RAP1GAP2: variants seen among roughly 807,000 people sequenced by gnomAD.
The protein encoded by RAP1GAP2 is rap1 GTPase-activating protein 2.
In RAP1GAP2, 27 loss-of-function variants were observed where a neutral mutation model predicts 95.0. That is an observed-to-expected ratio of 0.28 (90% confidence interval 0.21 to 0.39). RAP1GAP2 has a LOEUF of 0.39. Among genes scored for constraint, RAP1GAP2 ranks in the 10% least tolerant of loss-of-function variants. The pLI is 1.00. For missense variants in RAP1GAP2, 771 were observed against 970.0 expected (o/e 0.79, Z 2.72); for synonymous variants, 373 against 380.9 (o/e 0.98, Z 0.24).
At chr17:2,932,283 C>T (rs151078685) in intron 3 of RAP1GAP2, among the ~76,000 whole-genome samples, 1 of 152,128 alleles carries the variant, frequency 6.6e-6, no homozygotes, top group Non-Finnish European at 1.5e-5. Context: ...CGTGTGGGAG[C>T]GGCCAAGTTC....
At chr17:2,826,886 G>A (rs765457677) in intron 2 of RAP1GAP2, among the ~76,000 whole-genome samples, 2 of 151,952 alleles carry the variant, frequency 1.3e-5, no homozygotes, top group African/African-American at 2.4e-5. Context: ...TACGCCTGTA[G>A]TCCCAGCTAC....
At chr17:2,875,588 G>A (rs550161900) in intron 2 of RAP1GAP2, among the ~76,000 whole-genome samples, 1 of 152,268 alleles carries the variant, frequency 6.6e-6, no homozygotes, top group Admixed American at 6.5e-5. Flanking sequence ...GCGGGTGAGA[G>A]GGACCGCTGT....
chr17:2,953,092 C>A (rs2043974819), intron 3 of RAP1GAP2, among the ~76,000 whole-genome samples: 1 of 152,188 alleles, frequency 6.6e-6, no homozygotes, highest in Non-Finnish European at 1.5e-5. Context: ...AGGTGTGAGC[C>A]ACCACTGCAC....
At chr17:2,940,905 A>G (rs1369139540) in intron 3 of RAP1GAP2, among the ~76,000 whole-genome samples, 3 of 152,138 alleles carry the variant, frequency 2.0e-5, no homozygotes, top group Non-Finnish European at 2.9e-5. Flanking sequence ...GTGAGGAGTG[A>G]CAGGACACTT....
At chr17:2,884,911 C>G (rs960591915) in intron 2 of RAP1GAP2, among the ~76,000 whole-genome samples, 1 of 152,096 alleles carries the variant, frequency 6.6e-6, no homozygotes, top group Non-Finnish European at 1.5e-5. Flanking sequence ...TGAGGGCCTT[C>G]AGGGTAGGAA....
At chr17:2,798,630 G>GC (rs1374134408) in intron 1 of RAP1GAP2, among the ~76,000 whole-genome samples, 13 of 130,086 alleles carry the variant, frequency 1.0e-4, no homozygotes, top group African/African-American at 3.7e-4. Context: ...GGCACCAGGG[G>GC]CAGACAAGGT....
At chr17:2,816,820 C>T (rs937751387) in intron 2 of RAP1GAP2, among the ~76,000 whole-genome samples, 7 of 119,894 alleles carry the variant, frequency 5.8e-5, no homozygotes, top group African/African-American at 1.7e-4. Context: ...ATCTCCACAG[C>T]ACCCTGCAGC....
chr17:2,909,471 G>A (rs1305646535), intron 3 of RAP1GAP2, among the ~76,000 whole-genome samples: 1 of 152,148 alleles, frequency 6.6e-6, no homozygotes, highest in Non-Finnish European at 1.5e-5. Flanking sequence ...TGGAGTGTGA[G>A]GAAATGTGGA....
intron 3 of RAP1GAP2, among the ~76,000 whole-genome samples, chr17:2,916,210 G>C (rs2042561582): frequency 6.6e-6 from 1 of 152,174 alleles, no homozygotes; most frequent in South Asian, 2.1e-4. Flanking sequence ...ACGTGTGTTT[G>C]TTTATTGTCT....
At chr17:2,976,990 A>C (rs2045147571) in intron 8 of RAP1GAP2, among the ~76,000 whole-genome samples, 2 of 151,880 alleles carry the variant, frequency 1.3e-5, no homozygotes, top group Admixed American at 1.3e-4. Flanking sequence ...CAAAAAAATT[A>C]GTCAGGCGAG....
intron 23 of RAP1GAP2, 119 bp downstream of exon 23, chr17:3,031,117 G>T: frequency 8.7e-7 from 1 of 1,150,622 alleles, no homozygotes. Context: ...GGAGGCAGGG[G>T]AAGCTCTGGG....
In RAP1GAP2 at chr17:2,867,057, T is replaced by C. The variant is rs2072643870; in HGVS notation, c.81-38227T>C. On this transcript the variant is annotated intron_variant, in intron 2 of 24. Coordinates refer to ENST00000254695, the MANE Select transcript of RAP1GAP2 (RefSeq NM_015085.5). The surrounding 1 kb of genome is among the most constrained non-coding windows in gnomAD (Gnocchi z 4.5). ...CTGGGATTACAGGTGCCCACTGTCA[T>C]GTCTAGCTAATTTTTGTATTTGTAG... 6.6e-6 allele frequency among the ~76,000 whole-genome samples: 1 copy of C among 151,482 alleles called. No individual in the cohort carries two copies. The highest frequency in any genetic ancestry group is 1.5e-5 in the Non-Finnish European group (1 of 67,918).
At chr17:2,927,406 G>A (rs959870275) in intron 3 of RAP1GAP2, among the ~76,000 whole-genome samples, 3 of 152,140 alleles carry the variant, frequency 2.0e-5, no homozygotes, top group Non-Finnish European at 4.4e-5. Flanking sequence ...GCCCGCCTTG[G>A]CCTCCCAAAG....
intron 1 of RAP1GAP2, among the ~76,000 whole-genome samples, chr17:2,780,340 C>A (rs931908184): frequency 1.2e-4 from 19 of 152,230 alleles, no homozygotes; most frequent in Non-Finnish European, 2.8e-4. Context: ...CGGGAGCCGC[C>A]GCCTCTGGCA....
intron 3 of RAP1GAP2, among the ~76,000 whole-genome samples, chr17:2,913,556 T>C (rs776460545): frequency 2.9e-4 from 44 of 152,210 alleles, no homozygotes; most frequent in Non-Finnish European, 5.7e-4. Flanking sequence ...CCCAAAGTAC[T>C]GGGATTACAG....
Position 3,005,564 on chromosome 17 carries a change from TGG to T in RAP1GAP2, c.1272+129_1272+130del. 3 of 1,136,106 alleles carry T rather than the reference TGG, an allele frequency of 2.6e-6. No homozygotes were observed. The Admixed American group carries it at 5.1e-5, about 19-fold the overall frequency. 70.4% of individuals were successfully genotyped at this position (1,136,106 alleles called of 1,614,324 possible). A position where few individuals can be genotyped will look rare whatever the true frequency, so the allele number is the denominator to read the frequency against. On this transcript the variant is annotated intron_variant, in intron 15 of 24. Coordinates refer to ENST00000254695, the MANE Select transcript of RAP1GAP2 (RefSeq NM_015085.5). This position sits in a 1 kb window ranked among gnomAD's most constrained non-coding sequence, Gnocchi z 5.2. ...ATTAGGGAGCTCCTTTTGCAGGTTT[TGG>T]GGGGAACCTCCTTTCTTGGGGTCTC... is the stretch of plus-strand genomic sequence containing the variant.
Position 3,026,379 on chromosome 17 carries a change from G to A in RAP1GAP2, c.1895G>A (p.Arg632His), listed in dbSNP as rs774783201. The change falls in exon 21 of 25, where the codon CGT becomes CAT. Residue 632 changes from arginine (R) to histidine (H), a missense_variant. Transcript: ENST00000254695. The part of the protein sequence containing the change: ...KPFMKLKENG[R>H]AISRSSSSTS... Reference sequence around the variant, plus strand: ...TTCATGAAGTTGAAGGAAAACGGCCGTGCCATCTCCCGCTCCTCCTCCAGC... The same window carrying A: ...TTCATGAAGTTGAAGGAAAACGGCCATGCCATCTCCCGCTCCTCCTCCAGC... 9.0e-6 allele frequency: 14 copies of A among 1,552,068 alleles called. No homozygotes were observed. Among genetic ancestry groups the A allele is most frequent in the East Asian group, 2.4e-5 (1 of 40,980 alleles).
intron 2 of RAP1GAP2, among the ~76,000 whole-genome samples, chr17:2,891,828 T>TCTTTTC (rs1447779498): frequency 1.5e-5 from 2 of 130,134 alleles, no homozygotes; most frequent in East Asian, 4.1e-4. Flanking sequence ...TTTTTTTTTT[T>TCTTTTC]TTTTTTTTTT....
chr17:2,851,579 G>T (rs1265563958), intron 2 of RAP1GAP2, among the ~76,000 whole-genome samples: 2 of 152,164 alleles, frequency 1.3e-5, no homozygotes, highest in Admixed American at 1.3e-4. Context: ...TAGAGACTCA[G>T]GAGTCAGGGG....
Sources: allele counts gnomAD v4.1 joint callset (sites outside exome capture counted in the v4.1 genomes callset), GRCh38; gene constraint gnomAD v4.1.1; non-coding constraint Gnocchi (gnomAD v3.1); transcripts MANE v1.5; gene names NCBI Gene and HGNC (gene_info 2026-07-23, HGNC 2026-07-21).